Variants in SAMSN1 observed in about 807,000 individuals in gnomAD.
SAMSN1 encodes the protein SAM domain-containing protein SAMSN-1.
In SAMSN1, 31 loss-of-function variants were observed where a neutral mutation model predicts 42.0. That is an observed-to-expected ratio of 0.74 (90% CI 0.55 to 1.00). SAMSN1 has a LOEUF of 1.00. Among genes scored for constraint, SAMSN1 ranks in the 50% least tolerant of loss-of-function variants. SAMSN1 has a pLI of 0.00. For synonymous variants in SAMSN1, 178 were observed against 151.9 expected (o/e 1.17, Z -1.26); for missense variants, 464 against 439.4 (o/e 1.06, Z -0.50).
intron 1 of SAMSN1, among the ~76,000 whole-genome samples, chr21:14,536,779 C>T (rs1483323236): frequency 6.6e-6 from 1 of 152,228 alleles, no homozygotes; most frequent in South Asian, 2.1e-4. Flanking sequence ...TTCTCCTTGG[C>T]ATGCAAGCAC....
At chr21:14,502,838 T>C (rs1437961004) in intron 5 of SAMSN1, among the ~76,000 whole-genome samples, 1 of 152,150 alleles carries the variant, frequency 6.6e-6, no homozygotes, top group Non-Finnish European at 1.5e-5. Flanking sequence ...ATGGAAGGGA[T>C]CAAGAGAAGG....
intron 4 of SAMSN1, among the ~76,000 whole-genome samples, chr21:14,512,039 G>A (rs111403205): frequency 6.6e-6 from 1 of 152,124 alleles, no homozygotes; most frequent in African/African-American, 2.4e-5. Context: ...GGAAGAGGAA[G>A]GGAGAAAGAA....
chr21:14,634,011 A>C (rs1015080601), intron 2 of SAMSN1, among the ~76,000 whole-genome samples: 1 of 152,188 alleles, frequency 6.6e-6, no homozygotes, highest in Non-Finnish European at 1.5e-5. Context: ...GCTGATGAGT[A>C]AGTGTATAAA....
At chr21:14,594,264 C>T (rs1458950736) in intron 6 of SAMSN1, among the ~76,000 whole-genome samples, 3 of 152,062 alleles carry the variant, frequency 2.0e-5, no homozygotes, top group Non-Finnish European at 4.4e-5. Flanking sequence ...CATATATACA[C>T]ATATATAGAC....
intron 2 of SAMSN1, among the ~76,000 whole-genome samples, chr21:14,642,767 T>G (rs1983625453): frequency 6.6e-6 from 1 of 152,218 alleles, no homozygotes; most frequent in African/African-American, 2.4e-5. Context: ...AAGGTTGCTT[T>G]GAGGATTGTG....
At chr21:14,519,783 T>C (rs1249308935) in intron 2 of SAMSN1, among the ~76,000 whole-genome samples, 2 of 152,148 alleles carry the variant, frequency 1.3e-5, no homozygotes, top group Non-Finnish European at 2.9e-5. Flanking sequence ...ACCTGTAAGG[T>C]TGCTGAATCA....
intron 2 of SAMSN1, among the ~76,000 whole-genome samples, chr21:14,618,654 G>GTA (rs1452692581): frequency 1.5e-5 from 1 of 67,448 alleles, no homozygotes; most frequent in African/African-American, 5.6e-5. Context: ...CCACAGCTGT[G>GTA]TATGTGTGTG....
chr21:14,510,554 A>C (rs1004483051), intron 4 of SAMSN1, 93 bp from the exon 5 acceptor site: 25 of 1,406,712 alleles, frequency 1.8e-5, no homozygotes, highest in Non-Finnish European at 1.9e-5. Context: ...ATGCTGGAAC[A>C]CTGGATGCCA....
chr21:14,507,324 G>T (rs944338142), intron 5 of SAMSN1, among the ~76,000 whole-genome samples: 1 of 152,184 alleles, frequency 6.6e-6, no homozygotes, highest in African/African-American at 2.4e-5. Flanking sequence ...TCCTAGAACT[G>T]ATAAAAGAAT....
intron 1 of SAMSN1, among the ~76,000 whole-genome samples, chr21:14,643,605 C>T (rs992167595): frequency 1.3e-5 from 2 of 152,144 alleles, no homozygotes; most frequent in East Asian, 1.9e-4. Flanking sequence ...GCAGAGGAGG[C>T]GAAGTAAGAT....
At chr21:14,531,856 A>G (rs1979286898) in intron 1 of SAMSN1, among the ~76,000 whole-genome samples, 2 of 152,190 alleles carry the variant, frequency 1.3e-5, no homozygotes, top group Admixed American at 6.5e-5. Flanking sequence ...ATTAGTCTTA[A>G]AAGTCCTCTG....
At chr21:14,616,056 C>T (rs940487669) in intron 2 of SAMSN1, 8 of 555,608 alleles carry the variant, frequency 1.4e-5, no homozygotes, top group Non-Finnish European at 2.3e-5. Context: ...AAATAAATAA[C>T]ATAAAATAAG....
intron 1 of SAMSN1, 43 bp from the exon 2 acceptor site, chr21:14,521,264 T>C (rs749191451): frequency 7.3e-7 from 1 of 1,377,398 alleles, no homozygotes; most frequent in South Asian, 1.2e-5. Flanking sequence ...TTAGAATTTA[T>C]TTTCACTGTC....
chr21:14,566,321 A>C (rs930082589), intron 2 of SAMSN1, among the ~76,000 whole-genome samples: 2 of 152,164 alleles, frequency 1.3e-5, no homozygotes, highest in African/African-American at 4.8e-5. Flanking sequence ...CTTTTAACAT[A>C]AGTATTTCAA....
At chr21:14,491,371 G>C (rs1172652172) in intron 7 of SAMSN1, among the ~76,000 whole-genome samples, 2 of 151,984 alleles carry the variant, frequency 1.3e-5, no homozygotes, top group Non-Finnish European at 2.9e-5. Flanking sequence ...GCCTCCCAGA[G>C]TGGTGGGATT....
rs191305709 is a variant in SAMSN1 at position 14,579,534 on chromosome 21, G to A, written c.261+2602C>T. 2.1e-3 allele frequency among the ~76,000 whole-genome samples: 317 copies of A among 152,012 alleles called. 1 individual carries two copies. Among genetic ancestry groups the A allele is most frequent in the Non-Finnish European group, 3.9e-3 (262 of 67,992 alleles). On this transcript the variant is annotated intron_variant, in intron 2 of 8. Transcript: ENST00000285670. Reference sequence around the variant, plus strand: ...AGAAATATGCTTTATCTGGATCTATGGAAACAAAGTCCATTGGTTTCTAAC... The same window carrying A: ...AGAAATATGCTTTATCTGGATCTATAGAAACAAAGTCCATTGGTTTCTAAC...
At chr21:14,567,167 T>C (rs1981148412) in intron 2 of SAMSN1, among the ~76,000 whole-genome samples, 1 of 152,160 alleles carries the variant, frequency 6.6e-6, no homozygotes. Context: ...AAAACATCTG[T>C]ACCAGGGCGG....
intron 2 of SAMSN1, among the ~76,000 whole-genome samples, chr21:14,638,483 T>G (rs907762889): frequency 8.5e-5 from 13 of 152,180 alleles, no homozygotes; most frequent in African/African-American, 2.7e-4. Context: ...GATAGAAATA[T>G]TTTAGGTTTG....
chr21:14,612,657 T>C (rs1265172437), intron 4 of SAMSN1: 2 of 613,442 alleles, frequency 3.3e-6, no homozygotes, highest in East Asian at 6.7e-5. Context: ...TGTTTAAATA[T>C]AAACGGAAAA....
Sources: gnomAD v4.1 joint callset for allele counts (sites outside exome capture counted in the v4.1 genomes callset) on GRCh38, gnomAD v4.1.1 for gene constraint, MANE v1.5 for transcripts, NCBI Gene and HGNC (gene_info 2026-07-23, HGNC 2026-07-21) for gene names.